UBE3D: variants seen among roughly 807,000 people sequenced by gnomAD.
UBE3D encodes ubiquitin protein ligase E3D.
UBE3D carries 48 observed loss-of-function variants against 49.6 expected under a neutral mutation model. The observed-to-expected ratio is 0.97, with a 90% CI of 0.77 to 1.23. The LOEUF (loss-of-function observed/expected upper bound fraction) is 1.23. UBE3D is among the 50% of genes most tolerant of loss of function. UBE3D has a pLI of 0.00. For synonymous variants in UBE3D, 189 were observed against 174.2 expected (o/e 1.08, Z -0.67); for missense variants, 452 against 468.4 (o/e 0.96, Z 0.32).
At chr6:82,920,303 T>A (rs997046992) in intron 9 of UBE3D, among the ~76,000 whole-genome samples, 1 of 152,192 alleles carries the variant, frequency 6.6e-6, no homozygotes, top group African/African-American at 2.4e-5. Context: ...GGAAGTATTT[T>A]AAGAGTAATT....
intron 7 of UBE3D, 116 bp from the exon 8 acceptor site, chr6:83,019,252 A>G: frequency 1.0e-6 from 1 of 960,184 alleles, no homozygotes; most frequent in Non-Finnish European, 1.4e-6. Flanking sequence ...AAATATGAGA[A>G]TCATGTACAT....
Position 83,022,509 on chromosome 6 carries a change from C to G in UBE3D, c.790G>C (p.Ala264Pro). The part of the protein sequence containing the change: ...IAQCLVQLSS[A>P]RSTFRFTIQG... ...ATCGTGAATCTAAAAGTGCTTCTAG[C>G]AGAGGAGAGCTGCACCAGACACTGG... The change falls in exon 7 of 10, where the codon GCT becomes CCT. Residue 264 changes from alanine to proline, a missense_variant. Ala to Pro is a conservative substitution (Grantham distance 27). Transcript: ENST00000369747. 6.2e-7 allele frequency: 1 copy of G among 1,606,520 alleles called. No individual in the cohort carries two copies. The highest frequency in any genetic ancestry group is 1.1e-5 in the South Asian group (1 of 89,570).
In UBE3D at chr6:82,973,543, T is replaced by A. The variant is rs555068157; in HGVS notation, c.1011-16093A>T. On this transcript the variant is annotated intron_variant, in intron 8 of 9. Coordinates refer to ENST00000369747, the MANE Select transcript of UBE3D (RefSeq NM_198920.3). ...TCATTGAAACTTCCGAAGGCCACTA[T>A]TTTTTATTAAAAATGATAGAATTCT... 3.7e-3 allele frequency among the ~76,000 whole-genome samples: 527 copies of A among 143,838 alleles called. 17 individuals are homozygous for A. In the South Asian group the frequency reaches 0.073, roughly 20 times the overall value. The allele number at this position is 143,838 out of a possible 152,430, so 94.4% of individuals were successfully genotyped here.
intron 8 of UBE3D, chr6:83,018,659 T>A (rs1258593246): frequency 3.7e-6 from 1 of 270,644 alleles, no homozygotes; most frequent in Non-Finnish European, 6.9e-6. Flanking sequence ...TGTATCCTGA[T>A]GCCTGGAAAG....
intron 9 of UBE3D, among the ~76,000 whole-genome samples, chr6:82,902,313 A>G (rs1413051187): frequency 6.6e-6 from 1 of 152,162 alleles, no homozygotes; most frequent in African/African-American, 2.4e-5. Context: ...AGAAATAGAA[A>G]CTTATGTTCA....
At chr6:82,992,378 A>G (rs577015319) in intron 8 of UBE3D, among the ~76,000 whole-genome samples, 1 of 152,134 alleles carries the variant, frequency 6.6e-6, no homozygotes, top group Admixed American at 6.5e-5. Flanking sequence ...GCCTGCCACC[A>G]CGCCTGGCTA....
intron 8 of UBE3D, among the ~76,000 whole-genome samples, chr6:82,980,984 T>C (rs992496513): frequency 1.3e-5 from 2 of 152,108 alleles, no homozygotes; most frequent in African/African-American, 4.8e-5. Flanking sequence ...GTTTCCTTAC[T>C]ATTCCTGTTG....
chr6:82,964,216 T>C (rs1424173077), intron 8 of UBE3D, among the ~76,000 whole-genome samples: 1 of 152,172 alleles, frequency 6.6e-6, no homozygotes, highest in Non-Finnish European at 1.5e-5. Flanking sequence ...AAAAGTCACT[T>C]TCTATCACTT....
chr6:83,018,717 C>T, intron 8 of UBE3D: 1 of 398,142 alleles, frequency 2.5e-6, no homozygotes, highest in African/African-American at 2.1e-5. Context: ...TTTAGCACTG[C>T]AGCCATATGT....
At chr6:82,941,685 G>A (rs1468658931) in intron 9 of UBE3D, among the ~76,000 whole-genome samples, 1 of 152,120 alleles carries the variant, frequency 6.6e-6, no homozygotes, top group Non-Finnish European at 1.5e-5. Flanking sequence ...GGAGGTAATC[G>A]GATCATGGGG....
chr6:83,024,670 T>C (rs1781330853), intron 5 of UBE3D, among the ~76,000 whole-genome samples: 1 of 152,090 alleles, frequency 6.6e-6, no homozygotes, highest in Non-Finnish European at 1.5e-5. Context: ...CTACTCTAAT[T>C]GGAAGGCCAC....
chr6:83,007,585 AAC>A (rs1365845890), intron 8 of UBE3D, among the ~76,000 whole-genome samples: 2 of 152,228 alleles, frequency 1.3e-5, no homozygotes, highest in Non-Finnish European at 2.9e-5. Context: ...GTATGACATA[AAC>A]ATTTATATTT....
intron 9 of UBE3D, among the ~76,000 whole-genome samples, chr6:82,897,424 C>G (rs1241823930): frequency 1.3e-5 from 2 of 152,084 alleles, no homozygotes; most frequent in East Asian, 3.9e-4. Context: ...AATCCCCTCT[C>G]TACTAAAAAC....
intron 9 of UBE3D, among the ~76,000 whole-genome samples, chr6:82,930,563 T>C (rs1001065781): frequency 6.6e-6 from 1 of 152,056 alleles, no homozygotes; most frequent in Non-Finnish European, 1.5e-5. Context: ...AAAATGCTGA[T>C]AGTGATATGG....
intron 8 of UBE3D, among the ~76,000 whole-genome samples, chr6:82,982,317 A>C (rs1342289755): frequency 1.3e-5 from 2 of 152,194 alleles, no homozygotes; most frequent in East Asian, 3.8e-4. Flanking sequence ...GTATCAAAAA[A>C]ATTAACAATA....
intron 8 of UBE3D, among the ~76,000 whole-genome samples, chr6:82,972,744 TATATAA>T (rs1277153012): frequency 6.6e-6 from 1 of 152,180 alleles, no homozygotes; most frequent in Admixed American, 6.5e-5. Context: ...TTCAAGAAGT[TATATAA>T]ATAAAATGAT....
intron 7 of UBE3D, 47 bp from the exon 8 acceptor site, chr6:83,019,183 A>G: frequency 6.5e-7 from 1 of 1,537,018 alleles, no homozygotes; most frequent in East Asian, 2.3e-5. Flanking sequence ...TTGTCACCTT[A>G]TCCATATCTT....
At chr6:82,968,677 CTT>C (rs959304830) in intron 8 of UBE3D, among the ~76,000 whole-genome samples, 3 of 152,144 alleles carry the variant, frequency 2.0e-5, no homozygotes, top group Admixed American at 2.0e-4. Context: ...TCAGAGTACT[CTT>C]TGCCCCATAC....
intron 8 of UBE3D, among the ~76,000 whole-genome samples, chr6:83,016,936 T>C (rs1187821398): frequency 6.6e-6 from 1 of 152,176 alleles, no homozygotes; most frequent in Non-Finnish European, 1.5e-5. Flanking sequence ...ATTCCAGCCA[T>C]GCTGGCAGCT....
Sources: gnomAD v4.1 joint callset for allele counts (sites outside exome capture counted in the v4.1 genomes callset) on GRCh38, gnomAD v4.1.1 for gene constraint, MANE v1.5 for transcripts, NCBI Gene and HGNC (gene_info 2026-07-23, HGNC 2026-07-21) for gene names.